AP2B1: variants seen among roughly 807,000 people sequenced by gnomAD.
The protein encoded by AP2B1 is AP-2 complex subunit beta.
A neutral mutation model predicts 102.0 loss-of-function variants in AP2B1; 23 were observed. The observed-to-expected ratio is 0.23, with a 90% confidence interval of 0.16 to 0.32. The LOEUF (loss-of-function observed/expected upper bound fraction) is 0.32. Among genes scored for constraint, AP2B1 ranks in the 10% least tolerant of loss-of-function variants. The pLI is 1.00. For synonymous variants in AP2B1, 381 were observed against 421.2 expected (o/e 0.90, Z 1.17); for missense variants, 541 against 1,157.4 (o/e 0.47, Z 7.73).
chr17:35,616,580 C>G (rs969079323), intron 5 of AP2B1, among the ~76,000 whole-genome samples: 1 of 152,154 alleles, frequency 6.6e-6, no homozygotes, highest in Non-Finnish European at 1.5e-5. Flanking sequence ...TAACATCTTA[C>G]GTAACCGTGG....
intron 10 of AP2B1, among the ~76,000 whole-genome samples, chr17:35,637,142 G>A (rs968834404): frequency 2.0e-5 from 3 of 152,168 alleles, no homozygotes; most frequent in African/African-American, 7.2e-5. Context: ...ATAAAAGCAG[G>A]TTTTATAAGC....
chr17:35,640,082 A>G (rs1400694180), intron 11 of AP2B1, among the ~76,000 whole-genome samples: 1 of 151,688 alleles, frequency 6.6e-6, no homozygotes, highest in Non-Finnish European at 1.5e-5. Context: ...ACACCTGGCT[A>G]ATTTTTATAT....
intron 13 of AP2B1, among the ~76,000 whole-genome samples, chr17:35,654,831 A>G (rs939629722): frequency 1.3e-5 from 2 of 152,128 alleles, no homozygotes; most frequent in African/African-American, 4.8e-5. Flanking sequence ...TTAAATTGAC[A>G]TCTAATTTAT....
intron 5 of AP2B1, among the ~76,000 whole-genome samples, chr17:35,622,256 A>C (rs2074200855): frequency 6.6e-6 from 1 of 152,210 alleles, no homozygotes; most frequent in Non-Finnish European, 1.5e-5. Flanking sequence ...TTACCAAGTG[A>C]GTCTCTGATT....
At chr17:35,590,715 G>A (rs2073066498) in intron 1 of AP2B1, among the ~76,000 whole-genome samples, 2 of 152,056 alleles carry the variant, frequency 1.3e-5, no homozygotes, top group Admixed American at 1.3e-4. Flanking sequence ...AAATTTTGTG[G>A]GTGGGTGCAT....
intron 3 of AP2B1, among the ~76,000 whole-genome samples, chr17:35,601,323 A>G (rs2073473656): frequency 6.6e-6 from 1 of 152,040 alleles, no homozygotes; most frequent in South Asian, 2.1e-4. Context: ...TCATCATCAG[A>G]TTTGTTTTAT....
At chr17:35,664,179 T>C (rs1049445106) in intron 14 of AP2B1, among the ~76,000 whole-genome samples, 4 of 152,244 alleles carry the variant, frequency 2.6e-5, no homozygotes, top group African/African-American at 7.2e-5. Flanking sequence ...ATTCTTCTTC[T>C]GAAAATTTCC....
intron 17 of AP2B1, among the ~76,000 whole-genome samples, chr17:35,679,080 C>T (rs937917896): frequency 2.6e-5 from 4 of 152,068 alleles, no homozygotes; most frequent in African/African-American, 9.7e-5. Context: ...TGTTTTTTAC[C>T]ATTATGATAC....
intron 18 of AP2B1, among the ~76,000 whole-genome samples, chr17:35,691,344 A>T (rs1360166530): frequency 6.6e-6 from 1 of 152,180 alleles, no homozygotes; most frequent in East Asian, 1.9e-4. Context: ...CTTGTCCCTG[A>T]TATTTCATGT....
chr17:35,659,074 C>A (rs1174757904), intron 14 of AP2B1, among the ~76,000 whole-genome samples: 1 of 152,186 alleles, frequency 6.6e-6, no homozygotes, highest in African/African-American at 2.4e-5. Flanking sequence ...GACTGAATAG[C>A]TTCCTCATAT....
chr17:35,605,214 T>G (rs911814145), intron 3 of AP2B1, among the ~76,000 whole-genome samples: 10 of 151,790 alleles, frequency 6.6e-5, no homozygotes, highest in Admixed American at 6.6e-4. Flanking sequence ...CTACAGTTTC[T>G]TTTCTTTTCT....
intron 21 of AP2B1, among the ~76,000 whole-genome samples, chr17:35,722,190 A>G (rs1175556448): frequency 1.3e-5 from 2 of 152,112 alleles, no homozygotes; most frequent in African/African-American, 4.8e-5. Context: ...GTTGCAGTGT[A>G]CTGAGATCAC....
intron 18 of AP2B1, among the ~76,000 whole-genome samples, chr17:35,698,283 T>G (rs896630269): frequency 6.6e-6 from 1 of 152,070 alleles, no homozygotes; most frequent in African/African-American, 2.4e-5. Flanking sequence ...GGATTTTGTG[T>G]TGGAACTTTG....
At chr17:35,681,781 C>G (rs1308759472) in intron 17 of AP2B1, among the ~76,000 whole-genome samples, 1 of 152,126 alleles carries the variant, frequency 6.6e-6, no homozygotes, top group East Asian at 1.9e-4. Context: ...ATTCATCAAA[C>G]CTGCCCTCTA....
At chr17:35,705,921 C>T (rs1349705788) in intron 18 of AP2B1, among the ~76,000 whole-genome samples, 1 of 152,116 alleles carries the variant, frequency 6.6e-6, no homozygotes, top group African/African-American at 2.4e-5. Context: ...AATATTAACT[C>T]ATTATCCTCA....
At chr17:35,661,364 G>C (rs2075354789) in intron 14 of AP2B1, among the ~76,000 whole-genome samples, 1 of 152,134 alleles carries the variant, frequency 6.6e-6, no homozygotes, top group African/African-American at 2.4e-5. Context: ...CCAGTGTTGA[G>C]AACATTAAAC....
At chr17:35,654,500 C>G (rs1373906856) in intron 13 of AP2B1, among the ~76,000 whole-genome samples, 1 of 152,020 alleles carries the variant, frequency 6.6e-6, no homozygotes, top group Non-Finnish European at 1.5e-5. Flanking sequence ...CATTTATTGC[C>G]CATACAGTTG....
At position 35,709,786 on chromosome 17, in the gene AP2B1, CTCCCGATGTGCCTATTGACATTTCTCTCT is replaced by C. The variant is rs587748928; in HGVS notation, c.2540-443_2540-415del. On this transcript the variant is annotated intron_variant, in intron 19 of 21. Coordinates refer to ENST00000610402, the MANE Select transcript of AP2B1 (RefSeq NM_001030006.2). ...AGTAATTTGTAATAAACCGTCAGAA[CTCCCGATGTGCCTATTGACATTTCTCTCT>C]TCCCTTATTTATGAATCACAATCTA... Among the ~76,000 whole-genome samples the C allele has an allele frequency of 8.8e-3, 1,335 of 152,332 alleles. 22 individuals are homozygous for C. Among genetic ancestry groups the C allele is most frequent in the African/African-American group, 0.03 (1,263 of 41,564 alleles).
chr17:35,676,969 A>G (rs900407589), intron 17 of AP2B1, among the ~76,000 whole-genome samples: 1 of 152,126 alleles, frequency 6.6e-6, no homozygotes, highest in African/African-American at 2.4e-5. Flanking sequence ...AATGTTTTCA[A>G]AAAAAACCAA....
Sources: allele counts gnomAD v4.1 joint callset (sites outside exome capture counted in the v4.1 genomes callset), GRCh38; gene constraint gnomAD v4.1.1; transcripts MANE v1.5; gene names NCBI Gene and HGNC (gene_info 2026-07-23, HGNC 2026-07-21).